SCP2: variants seen among roughly 807,000 people sequenced by gnomAD.
The protein encoded by SCP2 is SCP-2/3-oxoacyl-CoA thiolase.
A neutral mutation model predicts 71.4 loss-of-function variants in SCP2; 48 were observed. The ratio of observed to expected loss-of-function variants is 0.67; its 90% CI spans 0.53 to 0.86. The LOEUF is 0.86. Ranked by LOEUF, SCP2 falls within the 40% of genes least tolerant of loss-of-function variation. SCP2 has a pLI of 0.00. For missense variants in SCP2, 560 were observed against 655.6 expected (o/e 0.85, Z 1.59); for synonymous variants, 220 against 218.1 (o/e 1.01, Z -0.08).
chr1:53,002,420 T>G (rs573273595), intron 11 of SCP2, among the ~76,000 whole-genome samples: 2 of 152,190 alleles, frequency 1.3e-5, no homozygotes, highest in Admixed American at 6.5e-5. Flanking sequence ...TAGGAAGAAT[T>G]CATTGGAAGT....
rs1216833999 is a variant in SCP2 at position 52,948,085 on chromosome 1, G to T, written c.199+5G>T. On this transcript the variant is annotated splice_donor_5th_base_variant and intron_variant, in intron 3 of 15. Coordinates refer to ENST00000371514, the MANE Select transcript of SCP2 (RefSeq NM_002979.5). Reference sequence around the variant, plus strand: ...CATGTGTTGGCTATGTTTTTGGTATGTATTAAACTGTGTATTCTAAAATTT... The same window carrying T: ...CATGTGTTGGCTATGTTTTTGGTATTTATTAAACTGTGTATTCTAAAATTT... 6.3e-7 allele frequency: 1 copy of T among 1,588,540 alleles called. No homozygotes were observed. Among genetic ancestry groups the T allele is most frequent in the South Asian group, 1.1e-5 (1 of 90,578 alleles).
chr1:53,015,119 A>G (rs1397342372), intron 12 of SCP2, 76 bp downstream of exon 12: 2 of 1,401,726 alleles, frequency 1.4e-6, no homozygotes, highest in Non-Finnish European at 2.0e-6. Flanking sequence ...TACATGTAAA[A>G]ATTTCTTATT....
rs13496 is a variant in SCP2, at chr1:53,051,070, G to A, written c.*366G>A. The stretch of plus-strand genomic sequence containing the variant: ...TAAGGATTATTCTGCTGAAGATTCA[G>A]TTTAAGAGTTTTCCTTGGGAGAACT... On this transcript the variant is annotated 3_prime_UTR_variant, in exon 16 of 16. Transcript: ENST00000371514. 22,563 of 168,272 alleles carry A rather than the reference G, an allele frequency of 0.13. 2,169 individuals are homozygous for A. The highest frequency in any genetic ancestry group is 0.32 in the East Asian group (1,985 of 6,152). The allele number at this position is 168,272 out of a possible 1,614,324, so 10.4% of individuals were successfully genotyped here.
intron 6 of SCP2, among the ~76,000 whole-genome samples, chr1:52,968,461 C>T (rs58523403): frequency 0.067 from 10,190 of 151,920 alleles, 587 homozygotes; most frequent in East Asian, 0.21. Context: ...TTGGAGAATT[C>T]AATATTTTAT....
intron 14 of SCP2, among the ~76,000 whole-genome samples, chr1:53,044,596 A>G (rs556048456): frequency 2.0e-5 from 3 of 152,346 alleles, no homozygotes; most frequent in Admixed American, 2.0e-4. Flanking sequence ...ACATACACAT[A>G]TAAGTAGTTT....
At chr1:53,027,895 AT>A in intron 12 of SCP2, 73 bp from the exon 13 acceptor site, 1 of 836,278 alleles carries the variant, frequency 1.2e-6, no homozygotes, top group African/African-American at 1.7e-5. Flanking sequence ...AATTTTGAAA[AT>A]TACTATTTTA....
At chr1:52,948,578 T>C (rs1655011203) in intron 3 of SCP2, among the ~76,000 whole-genome samples, 1 of 149,784 alleles carries the variant, frequency 6.7e-6, no homozygotes, top group South Asian at 2.1e-4. Flanking sequence ...TGAGCCGAGA[T>C]TGTGCCACTG....
Position 52,960,676 on chromosome 1 carries a change from A to G in SCP2, c.397-827A>G, listed in dbSNP as rs143729548. The stretch of plus-strand genomic sequence containing the variant: ...TATATGTGTATATATATGTATGTGT[A>G]TATATATGTATATATGTGTGTTGTG... On this transcript the variant is annotated intron_variant, in intron 5 of 15. Coordinates refer to ENST00000371514, the MANE Select transcript of SCP2 (RefSeq NM_002979.5). 5.1e-3 allele frequency among the ~76,000 whole-genome samples: 746 copies of G among 146,296 alleles called. 2 individuals are homozygous for G. Among genetic ancestry groups the G allele is most frequent in the Non-Finnish European group, 6.9e-3 (465 of 67,004 alleles).
At chr1:53,010,628 T>C (rs1660927617) in intron 11 of SCP2, among the ~76,000 whole-genome samples, 1 of 151,916 alleles carries the variant, frequency 6.6e-6, no homozygotes. Flanking sequence ...GGGTCTGTCG[T>C]TGGGTGGGGG....
chr1:53,021,493 G>A (rs1218149685), intron 12 of SCP2, among the ~76,000 whole-genome samples: 1 of 150,090 alleles, frequency 6.7e-6, no homozygotes, highest in Non-Finnish European at 1.5e-5. Flanking sequence ...GCTAATTTTT[G>A]TATTTTTAGT....
At chr1:53,037,922 A>ACACACACACACACACAC (rs778637730) in intron 13 of SCP2, among the ~76,000 whole-genome samples, 1 of 133,850 alleles carries the variant, frequency 7.5e-6, no homozygotes, top group African/African-American at 2.8e-5. Flanking sequence ...ACACACACAC[A>ACACACACACACACACAC]CACACACAGA....
At chr1:53,040,638 G>A (rs1259537977) in intron 14 of SCP2, among the ~76,000 whole-genome samples, 2 of 152,004 alleles carry the variant, frequency 1.3e-5, no homozygotes, top group African/African-American at 4.8e-5. Context: ...GGAGAATGGT[G>A]TGAACCCAGG....
chr1:53,039,366 A>G (rs749276074), intron 14 of SCP2, among the ~76,000 whole-genome samples: 7 of 152,226 alleles, frequency 4.6e-5, no homozygotes, highest in Non-Finnish European at 7.3e-5. Flanking sequence ...AATGGGCTTA[A>G]TAAATGGCCC....
chr1:53,014,654 G>C (rs954016554), intron 11 of SCP2, among the ~76,000 whole-genome samples: 3 of 151,992 alleles, frequency 2.0e-5, no homozygotes, highest in East Asian at 3.9e-4. Context: ...TTGTAGATTC[G>C]GTGTTTTCTC....
rs1659739398 is a variant in SCP2, at chr1:52,993,950, A to G, written c.1081+5814A>G. On this transcript the variant is annotated intron_variant, in intron 11 of 15. Transcript: ENST00000371514. ...GCTTTTATCGGTAGCCATCAATTGC[A>G]GTTTTAATAGAAATACAAATACATC... 10 of 1,335,600 alleles carry G rather than the reference A, an allele frequency of 7.5e-6. No homozygotes were observed. In the South Asian group the frequency reaches 1.6e-4, roughly 22 times the overall value. 82.7% of individuals were successfully genotyped at this position (1,335,600 alleles called of 1,614,324 possible).
In SCP2 at chr1:53,039,017, A is replaced by C. The variant is rs1467083596; in HGVS notation, c.1439A>C (p.Asn480Thr). 6.2e-7 allele frequency: 1 copy of C among 1,614,074 alleles called. No individual in the cohort carries two copies. The highest frequency in any genetic ancestry group is 1.3e-5 in the African/African-American group (1 of 74,922). ...KEATWVVDVK[N>T]GKGSVLPNSD... is the part of the protein sequence containing the mutation. ...GCCACCTGGGTGGTGGATGTGAAGA[A>C]TGGCAAAGGATCAGTGCTTCCTAAC... The change falls in exon 14 of 16, where the codon AAT (asparagine) becomes ACT (threonine). Residue 480 changes from asparagine (N) to threonine (T), a missense_variant. Asn to Thr is a moderately conservative substitution (Grantham distance 65). Coordinates refer to ENST00000371514, the MANE Select transcript of SCP2 (RefSeq NM_002979.5).
intron 11 of SCP2, among the ~76,000 whole-genome samples, chr1:53,013,743 A>C (rs553550992): frequency 6.6e-6 from 1 of 152,242 alleles, no homozygotes; most frequent in East Asian, 1.9e-4. Context: ...GCAGCAGTTA[A>C]ATTTCTTGGG....
intron 13 of SCP2, among the ~76,000 whole-genome samples, chr1:53,030,548 GACTA>G (rs951779163): frequency 1.1e-4 from 16 of 151,740 alleles, no homozygotes; most frequent in South Asian, 4.2e-4. Context: ...CTATGTTGGA[GACTA>G]ACTATTTTTA....
At chr1:53,027,937 C>A (rs776403410) in intron 12 of SCP2, 32 bp from the exon 13 acceptor site, 8 of 1,213,016 alleles carry the variant, frequency 6.6e-6, no homozygotes, top group South Asian at 6.1e-5. Flanking sequence ...ACCTATGTGA[C>A]TCCATGAATT....
Sources: gnomAD v4.1 joint callset for allele counts (sites outside exome capture counted in the v4.1 genomes callset) on GRCh38, gnomAD v4.1.1 for gene constraint, MANE v1.5 for transcripts, NCBI Gene and HGNC (gene_info 2026-07-23, HGNC 2026-07-21) for gene names.